Variants in DYM observed in about 807,000 individuals in gnomAD.
The protein encoded by DYM is dymeclin.
Under a neutral mutation model 93.1 loss-of-function variants are expected in DYM, and 78 were observed. That is an observed-to-expected ratio of 0.84 (90% confidence interval 0.70 to 1.01). The LOEUF is 1.01. Ranked by LOEUF, DYM falls within the 50% of genes least tolerant of loss-of-function variation. The pLI, the probability that DYM is intolerant of heterozygous loss-of-function variation, is 0.00. For missense variants in DYM, 789 were observed against 845.0 expected, an observed-to-expected ratio of 0.93 and a Z score of 0.82; for synonymous variants, 321 against 319.7, an observed-to-expected ratio of 1.00 and a Z score of -0.04.
chr18:49,073,128 A>G (rs1445814987), intron 17 of DYM, among the ~76,000 whole-genome samples: 1 of 152,258 alleles, frequency 6.6e-6, no homozygotes, highest in African/African-American at 2.4e-5. Context: ...TATGACAAAT[A>G]GAAAGTGCCT....
At chr18:49,142,054 G>A (rs562495808) in intron 15 of DYM, among the ~76,000 whole-genome samples, 2 of 151,362 alleles carry the variant, frequency 1.3e-5, no homozygotes, top group East Asian at 3.9e-4. Context: ...AGTAGACAGG[G>A]GTTTCACCAT....
intron 1 of DYM, among the ~76,000 whole-genome samples, chr18:49,459,549 A>G (rs142661609): frequency 1.3e-3 from 199 of 151,924 alleles, no homozygotes; most frequent in Non-Finnish European, 2.3e-3. Flanking sequence ...TCCACCCTCC[A>G]GGTTTTCATC....
intron 8 of DYM, among the ~76,000 whole-genome samples, chr18:49,300,623 T>C (rs1313804204): frequency 1.3e-5 from 2 of 151,962 alleles, no homozygotes; most frequent in South Asian, 2.1e-4. Flanking sequence ...GGTTTCTACA[T>C]AGTAAAATCT....
chr18:49,353,439 G>A (rs547071151), intron 6 of DYM, among the ~76,000 whole-genome samples: 1 of 152,074 alleles, frequency 6.6e-6, no homozygotes, highest in South Asian at 2.1e-4. Flanking sequence ...AGTAAGAAGA[G>A]AAAAGAAAGA....
chr18:49,282,278 G>A (rs2095005814), intron 9 of DYM, 103 bp from the exon 10 acceptor site: 4 of 1,136,404 alleles, frequency 3.5e-6, no homozygotes, highest in African/African-American at 1.6e-5. Context: ...TTAATTTTAT[G>A]GAAAGTCACT....
chr18:49,213,604 C>T (rs1034330036), intron 13 of DYM, among the ~76,000 whole-genome samples: 2 of 152,216 alleles, frequency 1.3e-5, no homozygotes, highest in African/African-American at 2.4e-5. Flanking sequence ...GCACGAGCCA[C>T]AGTGCCTAGC....
In DYM at chr18:49,286,471, G is replaced by A; in HGVS notation, c.909C>T (p.Pro303=). 6.2e-7 allele frequency: 1 copy of A among 1,614,154 alleles called. No individual in the cohort carries two copies. Among genetic ancestry groups the A allele is most frequent in the Non-Finnish European group, 8.5e-7 (1 of 1,179,996 alleles). Residue 303 remains proline (P), a synonymous_variant, in exon 9 of 18, where the codon CCC becomes CCT. Transcript: ENST00000675505. ...NLTDASDAPN[P]YRQAIMSFKN... is the part of the protein sequence containing the mutation. ...TGAAGGACATAATGGCTTGTCTGTAGGGGTTTGGCGCATCTGAGGCATCTG... is the reference window on the plus strand; with the variant it reads ...TGAAGGACATAATGGCTTGTCTGTAAGGGTTTGGCGCATCTGAGGCATCTG...
rs2081563011 is a variant in DYM, at chr18:49,441,292, AATATAAT to A, written c.-53-10852_-53-10846del. Reference sequence around the variant, plus strand: ...TAATATATATTATATAATTATATATAATATAATTATATATAATTAATATATAATTATA... The same window carrying A: ...TAATATATATTATATAATTATATATATATATATAATTAATATATAATTATA... On this transcript the variant is annotated intron_variant, in intron 1 of 17. Transcript: ENST00000675505. Among the ~76,000 whole-genome samples, 9 of 36,380 alleles carry A rather than the reference AATATAAT, an allele frequency of 2.5e-4. 1 individual carries two copies. Among genetic ancestry groups the A allele is most frequent in the African/African-American group, 4.5e-4 (3 of 6,716 alleles). 23.9% of individuals were successfully genotyped at this position (36,380 alleles called of 152,430 possible).
chr18:49,369,761 GA>G (rs10715223), intron 5 of DYM, among the ~76,000 whole-genome samples: 152,300 of 152,300 alleles, frequency 1, 76,150 homozygotes, highest in Non-Finnish European at 1. Flanking sequence ...AGTTTATATT[GA>G]AACTGTTTTG....
At chr18:49,373,840 A>T (rs149625485) in intron 5 of DYM, among the ~76,000 whole-genome samples, 1 of 152,264 alleles carries the variant, frequency 6.6e-6, no homozygotes, top group Non-Finnish European at 1.5e-5. Context: ...CATTCACTCC[A>T]TTCTTGCTGC....
At chr18:49,430,180 T>A in intron 2 of DYM, 75 bp downstream of exon 2, 1 of 1,403,948 alleles carries the variant, frequency 7.1e-7, no homozygotes, top group South Asian at 1.2e-5. Context: ...ATTTCTAAAT[T>A]TTTTTTTAAT....
chr18:49,222,765 A>C (rs564395990), intron 13 of DYM, among the ~76,000 whole-genome samples: 2 of 152,312 alleles, frequency 1.3e-5, no homozygotes, highest in South Asian at 2.1e-4. Context: ...CCTCTTTCCA[A>C]CTATGATTAC....
chr18:49,274,330 C>A (rs1011507953), intron 10 of DYM, among the ~76,000 whole-genome samples: 7 of 152,098 alleles, frequency 4.6e-5, no homozygotes, highest in African/African-American at 1.7e-4. Flanking sequence ...GGATCTCATT[C>A]CTTTTTATGT....
intron 5 of DYM, among the ~76,000 whole-genome samples, chr18:49,365,899 C>T (rs376272868): frequency 2.0e-5 from 3 of 152,090 alleles, no homozygotes; most frequent in African/African-American, 7.2e-5. Flanking sequence ...ATCACAACCT[C>T]GGCCAAATTT....
In DYM at chr18:49,443,798, T is replaced by C. The variant is rs565996771; in HGVS notation, c.-53-13351A>G. ...AGTAAATTTCCAAATGGCTCATTTG[T>C]TAAGCAAGCAAGGAAAGTATTTGCC... On this transcript the variant is annotated intron_variant, in intron 1 of 17. Transcript: ENST00000675505. 5.3e-5 allele frequency among the ~76,000 whole-genome samples: 8 copies of C among 152,328 alleles called. No individual in the cohort carries two copies. In the South Asian group the frequency reaches 1.7e-3, roughly 32 times the overall value.
chr18:49,396,052 C>T (rs189132643), intron 2 of DYM, among the ~76,000 whole-genome samples: 1 of 152,314 alleles, frequency 6.6e-6, no homozygotes, highest in Admixed American at 6.5e-5. Context: ...CACCCTTTCT[C>T]ATCATATGTT....
intron 13 of DYM, among the ~76,000 whole-genome samples, chr18:49,213,611 T>C (rs1458337452): frequency 6.6e-6 from 1 of 152,190 alleles, no homozygotes; most frequent in Non-Finnish European, 1.5e-5. Flanking sequence ...CCACAGTGCC[T>C]AGCCAATTTA....
chr18:49,332,545 A>T (rs1471087154), intron 7 of DYM, among the ~76,000 whole-genome samples: 2 of 152,236 alleles, frequency 1.3e-5, no homozygotes, highest in African/African-American at 4.8e-5. Flanking sequence ...GAATTTAAAA[A>T]TAACAATAGG....
intron 14 of DYM, among the ~76,000 whole-genome samples, chr18:49,193,660 G>A (rs1215707506): frequency 6.6e-6 from 1 of 152,214 alleles, no homozygotes; most frequent in Non-Finnish European, 1.5e-5. Context: ...CATGTGTGGT[G>A]AGATACATTT....
Sources: gnomAD v4.1 joint callset for allele counts (sites outside exome capture counted in the v4.1 genomes callset) on GRCh38, gnomAD v4.1.1 for gene constraint, MANE v1.5 for transcripts, NCBI Gene and HGNC (gene_info 2026-07-23, HGNC 2026-07-21) for gene names.